The following FOXP1 variants were observed in gnomAD, a reference collection of about 807,000 sequenced individuals.
FOXP1 encodes forkhead box P1, also known as forkhead box protein P1.
FOXP1 carries 15 observed loss-of-function variants against 98.2 expected under a neutral mutation model. The ratio of observed to expected loss-of-function variants is 0.15; its 90% CI spans 0.10 to 0.24. FOXP1 has a LOEUF of 0.24. Ranked by LOEUF, FOXP1 falls within the 10% of genes least tolerant of loss-of-function variation. The pLI, the probability that FOXP1 is intolerant of heterozygous loss-of-function variation, is 1.00. For synonymous variants in FOXP1, 371 were observed against 314.5 expected, an observed-to-expected ratio of 1.18 and a Z score of -1.90; for missense variants, 633 against 848.5, an observed-to-expected ratio of 0.75 and a Z score of 3.15.
intron 17 of FOXP1, among the ~76,000 whole-genome samples, chr3:70,975,270 A>G (rs1445488167): frequency 6.6e-6 from 1 of 152,202 alleles, no homozygotes; most frequent in Non-Finnish European, 1.5e-5. Flanking sequence ...TCGACTTCCT[A>G]AATTTTTTAA....
At chr3:71,261,149 T>C (rs930623483) in intron 5 of FOXP1, among the ~76,000 whole-genome samples, 1 of 152,162 alleles carries the variant, frequency 6.6e-6, no homozygotes, top group Non-Finnish European at 1.5e-5. Flanking sequence ...CTATCATTTA[T>C]ACCTTTTAAA....
At chr3:71,128,020 T>A (rs2059334170) in intron 6 of FOXP1, among the ~76,000 whole-genome samples, 1 of 152,190 alleles carries the variant, frequency 6.6e-6, no homozygotes, top group African/African-American at 2.4e-5. Flanking sequence ...CCTTATATAG[T>A]CAAGGAAGAG....
intron 6 of FOXP1, among the ~76,000 whole-genome samples, chr3:71,125,571 A>T (rs2059109902): frequency 6.6e-6 from 1 of 152,240 alleles, no homozygotes; most frequent in East Asian, 1.9e-4. Context: ...GTAACTCTTT[A>T]AGAGGGAATC....
At chr3:71,513,647 G>T (rs780104116) in intron 2 of FOXP1, among the ~76,000 whole-genome samples, 1 of 152,116 alleles carries the variant, frequency 6.6e-6, no homozygotes, top group Non-Finnish European at 1.5e-5. Context: ...AGGGTGTAGC[G>T]CAAGGTGTGA....
At chr3:71,530,276 A>G (rs1486539781) in intron 2 of FOXP1, among the ~76,000 whole-genome samples, 4 of 152,128 alleles carry the variant, frequency 2.6e-5, no homozygotes, top group Admixed American at 2.6e-4. Flanking sequence ...TGGGTTCATT[A>G]CTGAGAGTGG....
intron 6 of FOXP1, among the ~76,000 whole-genome samples, chr3:71,134,597 G>C (rs1222464799): frequency 6.6e-6 from 1 of 152,158 alleles, no homozygotes; most frequent in Non-Finnish European, 1.5e-5. Context: ...CGAAACAATG[G>C]AATTATTTTA....
chr3:71,569,988 G>C (rs549960006), intron 2 of FOXP1, among the ~76,000 whole-genome samples: 2 of 152,082 alleles, frequency 1.3e-5, no homozygotes, highest in African/African-American at 2.4e-5. Flanking sequence ...AGCCAGGATA[G>C]GATGGTCTGG....
At chr3:71,537,052 C>T (rs764202529) in intron 2 of FOXP1, among the ~76,000 whole-genome samples, 8 of 152,132 alleles carry the variant, frequency 5.3e-5, no homozygotes, top group Non-Finnish European at 1.0e-4. Flanking sequence ...AAGACTGAGG[C>T]CAAGCGAGCC....
chr3:71,069,506 A>T (rs926891200), intron 7 of FOXP1, among the ~76,000 whole-genome samples: 2 of 152,230 alleles, frequency 1.3e-5, no homozygotes, highest in South Asian at 2.1e-4. Flanking sequence ...AAATTTGTTA[A>T]TGGACTGCTT....
intron 9 of FOXP1, among the ~76,000 whole-genome samples, chr3:71,051,842 C>T (rs1310559792): frequency 6.6e-6 from 1 of 152,092 alleles, no homozygotes; most frequent in Non-Finnish European, 1.5e-5. Context: ...ATTTATGGGA[C>T]GAATGCTGTC....
intron 11 of FOXP1, among the ~76,000 whole-genome samples, chr3:71,025,396 A>T (rs993834747): frequency 1.3e-5 from 2 of 152,158 alleles, no homozygotes; most frequent in Non-Finnish European, 2.9e-5. Context: ...GGACCATAAC[A>T]TGAGTACCAA....
At chr3:71,082,641 A>G (rs1329697001) in intron 7 of FOXP1, among the ~76,000 whole-genome samples, 1 of 146,258 alleles carries the variant, frequency 6.8e-6, no homozygotes, top group African/African-American at 2.5e-5. Flanking sequence ...AAAAAAAAAG[A>G]AAACAACAAC....
At chr3:71,012,806 TAGA>T (rs1336682798) in intron 12 of FOXP1, among the ~76,000 whole-genome samples, 4 of 152,202 alleles carry the variant, frequency 2.6e-5, no homozygotes, top group South Asian at 2.1e-4. Flanking sequence ...AGAGAAAAGC[TAGA>T]AGGAGATGGT....
intron 20 of FOXP1, 88 bp downstream of exon 20, chr3:70,965,802 T>C: frequency 4.6e-6 from 6 of 1,307,578 alleles, no homozygotes; most frequent in Non-Finnish European, 6.6e-6. Flanking sequence ...AAAAGGTATA[T>C]AAAGCCCAGA....
chr3:71,015,096 C>A (rs1425306675), intron 12 of FOXP1, among the ~76,000 whole-genome samples: 2 of 151,486 alleles, frequency 1.3e-5, no homozygotes, highest in African/African-American at 4.9e-5. Context: ...ATGTAACAAA[C>A]CTGCATGTTG....
At chr3:71,063,558 C>G (rs2051848116) in intron 7 of FOXP1, among the ~76,000 whole-genome samples, 1 of 152,180 alleles carries the variant, frequency 6.6e-6, no homozygotes, top group Admixed American at 6.5e-5. Flanking sequence ...AATAAAAATG[C>G]CACTTGCTTT....
intron 6 of FOXP1, among the ~76,000 whole-genome samples, chr3:71,180,639 G>A (rs1004096575): frequency 6.6e-6 from 1 of 151,910 alleles, no homozygotes; most frequent in African/African-American, 2.4e-5. Context: ...AAACTGAAAC[G>A]CCACCTGGAT....
intron 3 of FOXP1, among the ~76,000 whole-genome samples, chr3:71,475,702 T>C (rs1035135445): frequency 3.3e-5 from 5 of 151,948 alleles, no homozygotes; most frequent in African/African-American, 1.2e-4. Flanking sequence ...AATTAGCTGG[T>C]GTGGTGCTGT....
intron 4 of FOXP1, among the ~76,000 whole-genome samples, chr3:71,328,516 G>T (rs538298521): frequency 2.4e-4 from 37 of 152,310 alleles, no homozygotes; most frequent in African/African-American, 8.9e-4. Flanking sequence ...ATGCCTCAGA[G>T]GAACACAATG....
Sources: gnomAD v4.1 joint callset for allele counts (sites outside exome capture counted in the v4.1 genomes callset) on GRCh38, gnomAD v4.1.1 for gene constraint, MANE v1.5 for transcripts, NCBI Gene and HGNC (gene_info 2026-07-23, HGNC 2026-07-21) for gene names.